AGBL4: variants seen among roughly 807,000 people sequenced by gnomAD.
The protein encoded by AGBL4 is AGBL carboxypeptidase 4.
Under a neutral mutation model 66.4 loss-of-function variants are expected in AGBL4, and 58 were observed. The observed-to-expected ratio is 0.87, with a 90% CI of 0.71 to 1.09. The LOEUF is 1.09. Among genes scored for constraint, AGBL4 ranks in the 50% least tolerant of loss-of-function variants. The pLI is 0.00. For missense variants in AGBL4, 579 were observed against 631.0 expected, an observed-to-expected ratio of 0.92 and a Z score of 0.88; for synonymous variants, 234 against 222.9, an observed-to-expected ratio of 1.05 and a Z score of -0.44.
chr1:49,204,569 T>C (rs1647981070), intron 4 of AGBL4, among the ~76,000 whole-genome samples: 1 of 152,142 alleles, frequency 6.6e-6, no homozygotes. Context: ...TGTGAGCCTC[T>C]GTGACTAGTC....
intron 6 of AGBL4, among the ~76,000 whole-genome samples, chr1:48,671,816 A>T (rs2148467675): frequency 6.6e-6 from 1 of 152,298 alleles, no homozygotes; most frequent in East Asian, 1.9e-4. Context: ...GTTCTCAGTA[A>T]ATACTTGTGA....
chr1:49,016,175 C>G (rs746343641), intron 5 of AGBL4, among the ~76,000 whole-genome samples: 1 of 152,168 alleles, frequency 6.6e-6, no homozygotes, highest in Non-Finnish European at 1.5e-5. Flanking sequence ...AGACTTGCCA[C>G]CTCCTCTGCT....
intron 3 of AGBL4, among the ~76,000 whole-genome samples, chr1:49,513,051 G>C (rs1013441331): frequency 1.3e-5 from 2 of 151,984 alleles, no homozygotes; most frequent in South Asian, 4.1e-4. Flanking sequence ...GAAACTTGAA[G>C]AAGATAAATG....
At chr1:49,920,178 G>T (rs1203322867) in intron 1 of AGBL4, among the ~76,000 whole-genome samples, 2 of 152,144 alleles carry the variant, frequency 1.3e-5, no homozygotes, top group African/African-American at 4.8e-5. Context: ...CATAGGCATG[G>T]GCAAGGACTT....
intron 3 of AGBL4, among the ~76,000 whole-genome samples, chr1:49,680,702 T>G (rs1036427474): frequency 2.0e-5 from 3 of 152,146 alleles, no homozygotes; most frequent in African/African-American, 4.8e-5. Flanking sequence ...CATGGTTTTA[T>G]TTGGGTTTAT....
Position 48,761,521 on chromosome 1 carries a change from T to A in AGBL4, c.635-98280A>T, listed in dbSNP as rs762876838. 3.3e-6 allele frequency: 5 copies of A among 1,522,324 alleles called. No individual in the cohort carries two copies. In the Admixed American group the frequency reaches 8.2e-5, roughly 25 times the overall value. The allele number at this position is 1,522,324 out of a possible 1,614,324, so 94.3% of individuals were successfully genotyped here. A position where few individuals can be genotyped will look rare whatever the true frequency, so the allele number is the denominator to read the frequency against. On this transcript the variant is annotated intron_variant, in intron 6 of 13. Transcript: ENST00000371839. ...GTTCATCATGAGTTAAAATGAGTCA[T>A]TATGAGTTTAGAATGCCCAAAACCT...
rs71056686 is a variant in AGBL4 at position 48,935,958 on chromosome 1, GAAAAAAAAAAAAAAAAAAAAAAA to G, written c.595-68751_595-68729del. On this transcript the variant is annotated intron_variant, in intron 5 of 13. Transcript: ENST00000371839. ...TGGGTGACAGAGCGAGACTCTGTCT[GAAAAAAAAAAAAAAAAAAAAAAA>G]AAAAAAAAAAAAAAGATACAAGATG... is the stretch of plus-strand genomic sequence containing the variant. Among the ~76,000 whole-genome samples the G allele has an allele frequency of 3.4e-3, 84 of 24,596 alleles. 2 individuals carry two copies. Among genetic ancestry groups the G allele is most frequent in the Middle Eastern group, 0.028 (1 of 36 alleles). The allele number at this position is 24,596 out of a possible 152,430, so 16.1% of individuals were successfully genotyped here.
chr1:48,812,527 A>G (rs1646075112), intron 6 of AGBL4, among the ~76,000 whole-genome samples: 1 of 152,200 alleles, frequency 6.6e-6, no homozygotes, highest in Non-Finnish European at 1.5e-5. Flanking sequence ...TGGGCTAAAC[A>G]CTGGGGAAAC....
chr1:49,246,077 A>G (rs1159762206), intron 3 of AGBL4, among the ~76,000 whole-genome samples: 1 of 151,928 alleles, frequency 6.6e-6, no homozygotes, highest in Admixed American at 6.6e-5. Context: ...GGAAACTTGA[A>G]TTTTAGAACC....
intron 4 of AGBL4, among the ~76,000 whole-genome samples, chr1:49,191,076 A>G (rs1477671378): frequency 6.6e-6 from 1 of 152,248 alleles, no homozygotes; most frequent in Non-Finnish European, 1.5e-5. Context: ...CATGAGAGAT[A>G]CAGAGATGAA....
At chr1:49,104,765 C>A (rs561369355) in intron 4 of AGBL4, among the ~76,000 whole-genome samples, 50 of 152,130 alleles carry the variant, frequency 3.3e-4, no homozygotes, top group Non-Finnish European at 5.0e-4. Flanking sequence ...GAACGGGCTC[C>A]AGGAGGCACT....
At chr1:48,621,049 C>T (rs1359756705) in intron 9 of AGBL4, among the ~76,000 whole-genome samples, 1 of 151,946 alleles carries the variant, frequency 6.6e-6, no homozygotes. Context: ...TGCTGGGAGG[C>T]CAAAGACTTA....
chr1:49,162,183 C>T (rs1170150180), intron 4 of AGBL4, among the ~76,000 whole-genome samples: 1 of 152,036 alleles, frequency 6.6e-6, no homozygotes, highest in Admixed American at 6.6e-5. Flanking sequence ...TAATAAATAT[C>T]ATAACATACT....
chr1:48,794,582 CTT>C (rs1025225014), intron 6 of AGBL4, among the ~76,000 whole-genome samples: 1 of 152,224 alleles, frequency 6.6e-6, no homozygotes, highest in African/African-American at 2.4e-5. Context: ...TTCTAGGACA[CTT>C]TGCCTCATTT....
chr1:49,665,985 AT>A (rs1458619732), intron 3 of AGBL4, among the ~76,000 whole-genome samples: 2 of 150,818 alleles, frequency 1.3e-5, no homozygotes, highest in Non-Finnish European at 3.0e-5. Context: ...TTTTAAAAAT[AT>A]TTTAATATTT....
At chr1:49,867,856 A>C (rs1646742958) in intron 1 of AGBL4, among the ~76,000 whole-genome samples, 1 of 152,200 alleles carries the variant, frequency 6.6e-6, no homozygotes, top group Admixed American at 6.5e-5. Flanking sequence ...TGACAGGATC[A>C]AATTCACACA....
At chr1:48,669,275 A>G (rs1291017127) in intron 6 of AGBL4, among the ~76,000 whole-genome samples, 1 of 152,220 alleles carries the variant, frequency 6.6e-6, no homozygotes, top group Non-Finnish European at 1.5e-5. Flanking sequence ...TCCCTGCCAC[A>G]TGGCTTCACC....
chr1:49,489,906 G>A (rs1482069391), intron 3 of AGBL4, among the ~76,000 whole-genome samples: 1 of 151,614 alleles, frequency 6.6e-6, no homozygotes. Flanking sequence ...CCAGTAGCAT[G>A]CTGTTTTGGT....
intron 5 of AGBL4, among the ~76,000 whole-genome samples, chr1:48,982,776 C>T (rs1251487781): frequency 6.6e-6 from 1 of 152,162 alleles, no homozygotes; most frequent in African/African-American, 2.4e-5. Context: ...GGAATTGCCA[C>T]ACTGACTTCC....
Sources: gnomAD v4.1 joint callset for allele counts (sites outside exome capture counted in the v4.1 genomes callset) on GRCh38, gnomAD v4.1.1 for gene constraint, MANE v1.5 for transcripts, NCBI Gene and HGNC (gene_info 2026-07-23, HGNC 2026-07-21) for gene names.